CYP4Z1: variants seen among roughly 807,000 people sequenced by gnomAD.
The protein encoded by CYP4Z1 is cytochrome P450 4Z1.
CYP4Z1 carries 41 observed loss-of-function variants against 54.2 expected under a neutral mutation model. The observed-to-expected ratio is 0.76, with a 90% CI of 0.59 to 0.98. The LOEUF (loss-of-function observed/expected upper bound fraction) is 0.98. CYP4Z1 is among the 50% of genes least tolerant of loss of function. CYP4Z1 has a pLI of 0.00. For synonymous variants in CYP4Z1, 163 were observed against 206.2 expected (o/e 0.79, Z 1.79); for missense variants, 513 against 599.0 (o/e 0.86, Z 1.50).
chr1:47,082,734 A>G (rs1439518331), intron 4 of CYP4Z1, among the ~76,000 whole-genome samples: 1 of 151,690 alleles, frequency 6.6e-6, no homozygotes, highest in Non-Finnish European at 1.5e-5. Flanking sequence ...TTTGGAGAAC[A>G]CAAGGCAGAA....
chr1:47,058,567 C>A, the CYP4Z1 span, among the ~76,000 whole-genome samples: 54 of 152,270 alleles, frequency 3.5e-4, no homozygotes, highest in African/African-American at 1.2e-3. Context: ...GACCTACGGG[C>A]AATCCTTGAC....
At chr1:47,063,200 T>A (rs181548146), upstream of CYP4Z1, among the ~76,000 whole-genome samples, 1 of 152,160 alleles carries the variant, frequency 6.6e-6, no homozygotes, top group Non-Finnish European at 1.5e-5. Flanking sequence ...GAACATCACA[T>A]CAAGGGAGCA....
In CYP4Z1 at chr1:47,117,757, T is replaced by C. The variant is rs1557637568; in HGVS notation, c.1350-9T>C. Reference sequence around the variant, plus strand: ...TTAGATGCCATGTTTTCTTTCTTGGTATCCCCAGGAACTGCATTGGGCAGC... The same window carrying C: ...TTAGATGCCATGTTTTCTTTCTTGGCATCCCCAGGAACTGCATTGGGCAGC... On this transcript the variant is annotated splice_polypyrimidine_tract_variant and intron_variant, in intron 11 of 11. Transcript: ENST00000334194. The C allele has an allele frequency of 3.8e-6, 6 of 1,593,452 alleles. No individual in the cohort carries two copies. The highest frequency in any genetic ancestry group is 1.8e-5 in the Admixed American group (1 of 55,662).
chr1:47,058,634 C>T, the CYP4Z1 span, among the ~76,000 whole-genome samples: 1 of 152,082 alleles, frequency 6.6e-6, no homozygotes, highest in Non-Finnish European at 1.5e-5. Context: ...CGCATTTCTT[C>T]TCTCTCCTTA....
Position 47,077,714 on chromosome 1 carries a change from G to A in CYP4Z1, c.320-2909G>A, listed in dbSNP as rs1013974137. The stretch of plus-strand genomic sequence containing the variant: ...TAGCTCACTGCATCCTCTAGCTCCT[G>A]GGCCCAAGTAATCCTCCCACTTCAG... On this transcript the variant is annotated intron_variant, in intron 2 of 11. Transcript: ENST00000334194. Among the ~76,000 whole-genome samples, 10 of 151,490 alleles carry A rather than the reference G, an allele frequency of 6.6e-5. 1 individual carries two copies. The highest frequency in any genetic ancestry group is 5.9e-4 in the Admixed American group (9 of 15,196).
At chr1:47,064,233 C>T (rs911708573), upstream of CYP4Z1, among the ~76,000 whole-genome samples, 1 of 151,900 alleles carries the variant, frequency 6.6e-6, no homozygotes, top group Non-Finnish European at 1.5e-5. Context: ...CAGGGCACAC[C>T]ACCACACGCC....
intron 10 of CYP4Z1, 70 bp from the exon 11 acceptor site, chr1:47,116,574 CGTTTTT>C (rs925836180): frequency 1.7e-5 from 10 of 590,822 alleles, no homozygotes; most frequent in South Asian, 1.1e-4. Flanking sequence ...CTATGGATTT[CGTTTTT>C]GTTTTTGTTT....
At chr1:47,105,924 G>T (rs1190841713) in intron 8 of CYP4Z1, among the ~76,000 whole-genome samples, 2 of 152,034 alleles carry the variant, frequency 1.3e-5, no homozygotes, top group Non-Finnish European at 2.9e-5. Context: ...TCTGCGGGGG[G>T]GGGAGAATCA....
At position 47,067,581 on chromosome 1, in the gene CYP4Z1, A is replaced by G; in HGVS notation, c.91A>G (p.Arg31Gly). The part of the protein sequence containing the change: ...CMSLLLFQVI[R>G]LYQRRRWMIR... Reference sequence around the variant, plus strand: ...GTCTCTGCTGCTGTTTCAGGTAATCAGGTTGTACCAGAGGAGGAGATGGAT... The same window carrying G: ...GTCTCTGCTGCTGTTTCAGGTAATCGGGTTGTACCAGAGGAGGAGATGGAT... The change falls in exon 1 of 12, where the codon AGG (arginine) becomes GGG (glycine). Residue 31 changes from arginine to glycine, a missense_variant. Physicochemically the swap from Arg to Gly is moderately radical, Grantham distance 125 (BLOSUM62 -2). Coordinates refer to ENST00000334194, the MANE Select transcript of CYP4Z1 (RefSeq NM_178134.3). 6.2e-7 allele frequency: 1 copy of G among 1,613,616 alleles called. No homozygotes were observed.
At chr1:47,063,237 G>C (rs368814890), upstream of CYP4Z1, among the ~76,000 whole-genome samples, 9 of 152,214 alleles carry the variant, frequency 5.9e-5, no homozygotes, top group East Asian at 9.7e-4. Context: ...AATCTGAACA[G>C]CAGCCCTTGA....
chr1:47,112,269 A>G (rs1644796955), intron 9 of CYP4Z1, among the ~76,000 whole-genome samples: 1 of 152,284 alleles, frequency 6.6e-6, no homozygotes, highest in South Asian at 2.1e-4. Context: ...CAGGAAAAAA[A>G]CTAGATAATT....
At chr1:47,110,543 T>C (rs577199375) in intron 9 of CYP4Z1, among the ~76,000 whole-genome samples, 50 of 152,196 alleles carry the variant, frequency 3.3e-4, no homozygotes, top group Non-Finnish European at 5.4e-4. Flanking sequence ...GGCAACATAG[T>C]GAGACCTTGT....
chr1:47,082,210 T>G (rs1466827789), intron 3 of CYP4Z1, 124 bp from the exon 4 acceptor site: 3 of 1,253,496 alleles, frequency 2.4e-6, no homozygotes, highest in Non-Finnish European at 1.1e-6. Flanking sequence ...CATTCACTCT[T>G]TCAAAGCTCT....
chr1:47,099,055 T>C, intron 7 of CYP4Z1, 39 bp from the exon 8 acceptor site: 1 of 1,595,448 alleles, frequency 6.3e-7, no homozygotes. Flanking sequence ...TAACAATCCA[T>C]AGCCAGCTTT....
rs146676765 is a variant in CYP4Z1, at chr1:47,098,318, C to T, written c.877-776C>T. 8.1e-3 allele frequency among the ~76,000 whole-genome samples: 1,229 copies of T among 152,188 alleles called. 14 individuals carry two copies. Among genetic ancestry groups the T allele is most frequent in the African/African-American group, 0.028 (1,166 of 41,538 alleles). On this transcript the variant is annotated intron_variant, in intron 7 of 11. Coordinates refer to ENST00000334194, the MANE Select transcript of CYP4Z1 (RefSeq NM_178134.3). ...CTGAGCAGTGGTTTGTAGTTCTTCTCGAAAAGGTCCTTCACTTCCCCTGTT... is the reference window on the plus strand; with the variant it reads ...CTGAGCAGTGGTTTGTAGTTCTTCTTGAAAAGGTCCTTCACTTCCCCTGTT...
the CYP4Z1 span, among the ~76,000 whole-genome samples, chr1:47,060,603 A>C: frequency 6.6e-6 from 1 of 152,218 alleles, no homozygotes; most frequent in African/African-American, 2.4e-5. Flanking sequence ...ACACAATAAT[A>C]GTGGCAGACT....
In CYP4Z1 at chr1:47,117,773, A is replaced by G; in HGVS notation, c.1357A>G (p.Ile453Val). 6.2e-7 allele frequency: 1 copy of G among 1,612,538 alleles called. No homozygotes were observed. Among genetic ancestry groups the G allele is most frequent in the South Asian group, 1.1e-5 (1 of 90,818 alleles). The change falls in exon 12 of 12, where the codon ATT becomes GTT. Residue 453 changes from isoleucine (I) to valine (V), a missense_variant. Ile to Val is a conservative substitution (Grantham distance 29). Coordinates refer to ENST00000334194, the MANE Select transcript of CYP4Z1 (RefSeq NM_178134.3). ...IPFSAGLRNCIGQHFAIIECK... is the reference protein window; with the variant it reads ...IPFSAGLRNCVGQHFAIIECK... ...CTTTCTTGGTATCCCCAGGAACTGC[A>G]TTGGGCAGCATTTTGCCATAATTGA...
chr1:47,114,634 AG>A (rs36057655), intron 9 of CYP4Z1, among the ~76,000 whole-genome samples: 64,955 of 152,020 alleles, frequency 0.43, 15,206 homozygotes, highest in East Asian at 0.96. Context: ...AAGAAGGTGA[AG>A]GATATGAACA....
intron 9 of CYP4Z1, among the ~76,000 whole-genome samples, chr1:47,111,755 A>G (rs1311113976): frequency 6.6e-6 from 1 of 152,236 alleles, no homozygotes; most frequent in African/African-American, 2.4e-5. Flanking sequence ...CTTAATTACT[A>G]AAAGAGAAAC....
Sources: allele counts gnomAD v4.1 joint callset (sites outside exome capture counted in the v4.1 genomes callset), GRCh38; gene constraint gnomAD v4.1.1; transcripts MANE v1.5; gene names NCBI Gene and HGNC (gene_info 2026-07-23, HGNC 2026-07-21).